The following POU2F1 variants were observed in gnomAD, a reference collection of about 807,000 sequenced individuals.
POU2F1 encodes the protein POU domain, class 2, transcription factor 1.
POU2F1 carries 16 observed loss-of-function variants against 84.9 expected under a neutral mutation model. That is an observed-to-expected ratio of 0.19 (90% CI 0.13 to 0.29). POU2F1 has a LOEUF of 0.29. Ranked by LOEUF, POU2F1 falls within the 10% of genes least tolerant of loss-of-function variation. The probability of loss-of-function intolerance (pLI) is 1.00; values close to 1 mark genes in which losing one functional copy is unlikely to be tolerated. For synonymous variants in POU2F1, 368 were observed against 368.3 expected, an observed-to-expected ratio of 1.00 and a Z score of 0.01; for missense variants, 738 against 942.6, an observed-to-expected ratio of 0.78 and a Z score of 2.84.
chr1:167,265,546 C>CT (rs1377020053), intron 1 of POU2F1, among the ~76,000 whole-genome samples: 1 of 152,096 alleles, frequency 6.6e-6, no homozygotes, highest in East Asian at 1.9e-4. Flanking sequence ...TTTGATAACT[C>CT]TTTTAGGTAT....
intron 3 of POU2F1, among the ~76,000 whole-genome samples, chr1:167,369,951 A>G (rs1405225124): frequency 6.6e-6 from 1 of 152,180 alleles, no homozygotes; most frequent in African/African-American, 2.4e-5. Context: ...AAAAAAGATT[A>G]ACAGCATTTT....
chr1:167,381,942 T>G (rs1167675119), intron 7 of POU2F1, among the ~76,000 whole-genome samples: 1 of 151,016 alleles, frequency 6.6e-6, no homozygotes, highest in African/African-American at 2.4e-5. Flanking sequence ...TTGAATATTC[T>G]TTAGTCTTTT....
intron 1 of POU2F1, among the ~76,000 whole-genome samples, chr1:167,238,620 A>G (rs371892019): frequency 1.3e-5 from 2 of 152,364 alleles, no homozygotes; most frequent in South Asian, 2.1e-4. Context: ...AGATGAGGAT[A>G]TTGAGTGAGG....
chr1:167,293,051 T>C (rs938586834), intron 1 of POU2F1, among the ~76,000 whole-genome samples: 1 of 152,140 alleles, frequency 6.6e-6, no homozygotes, highest in Non-Finnish European at 1.5e-5. Flanking sequence ...GCAAACATCA[T>C]ACTCTATGGG....
At chr1:167,376,520 A>C (rs577822038) in intron 7 of POU2F1, 183 of 163,404 alleles carry the variant, frequency 1.1e-3, no homozygotes, top group Non-Finnish European at 2.2e-3. Context: ...TGTTGAAAGT[A>C]TGTGCTTCTA....
chr1:167,415,672 A>C lies in POU2F1; in HGVS notation c.2163A>C (p.Ala721=). The part of the protein sequence containing the change: ...NPVSLVSAAA[A]SAGNSAPVAS... ...TTAGCTTGGTCTCTGCCGCCGCAGC[A>C]TCTGCAGGGAACTCTGCACCTGTAG... The change falls in exon 16 of 16, where the codon GCA becomes GCC. Residue 721 remains alanine, a synonymous_variant. Coordinates refer to ENST00000367866, the MANE Select transcript of POU2F1 (RefSeq NM_002697.4). 1.9e-6 allele frequency: 3 copies of C among 1,614,196 alleles called. No individual in the cohort carries two copies. Among genetic ancestry groups the C allele is most frequent in the South Asian group, 2.2e-5 (2 of 91,084 alleles).
At chr1:167,336,993 C>T (rs934565327) in intron 2 of POU2F1, among the ~76,000 whole-genome samples, 2 of 152,014 alleles carry the variant, frequency 1.3e-5, no homozygotes, top group Non-Finnish European at 2.9e-5. Context: ...TGGTGAAACC[C>T]CATCTCTACT....
intron 2 of POU2F1, among the ~76,000 whole-genome samples, chr1:167,334,270 C>T (rs1002875498): frequency 2.0e-5 from 3 of 149,316 alleles, no homozygotes; most frequent in Admixed American, 6.8e-5. Context: ...AAGCGATTCT[C>T]CTGCCTCAGC....
chr1:167,272,390 CAAAA>C (rs35666628), intron 1 of POU2F1, among the ~76,000 whole-genome samples: 1 of 82,232 alleles, frequency 1.2e-5, no homozygotes, highest in South Asian at 3.5e-4. Flanking sequence ...ATTAGGATTT[CAAAA>C]AAAAAAAAAA....
At position 167,365,464 on chromosome 1, in the gene POU2F1, T is replaced by C. The variant is rs1274338264; in HGVS notation, c.128-3T>C. Reference sequence around the variant, plus strand: ...AGTTGAAATTATTTTGCTTGCTTTCTAGGCACACAAACCAATGGTCTGGAC... The same window carrying C: ...AGTTGAAATTATTTTGCTTGCTTTCCAGGCACACAAACCAATGGTCTGGAC... On this transcript the variant is annotated splice_polypyrimidine_tract_variant and splice_region_variant and intron_variant, in intron 2 of 15. Coordinates refer to ENST00000367866, the MANE Select transcript of POU2F1 (RefSeq NM_002697.4). The C allele has an allele frequency of 6.4e-7, 1 of 1,563,546 alleles. No individual in the cohort carries two copies. Among genetic ancestry groups the C allele is most frequent in the Admixed American group, 2.0e-5 (1 of 49,436 alleles).
chr1:167,362,147 T>C (rs1259747575), intron 2 of POU2F1, among the ~76,000 whole-genome samples: 4 of 152,252 alleles, frequency 2.6e-5, no homozygotes, highest in Admixed American at 6.5e-5. Flanking sequence ...TAGGTCTTTA[T>C]GTTTTACAAG....
chr1:167,316,212 T>C (rs1250241146), intron 1 of POU2F1, among the ~76,000 whole-genome samples: 2 of 152,222 alleles, frequency 1.3e-5, no homozygotes, highest in African/African-American at 4.8e-5. Flanking sequence ...GCATACTTTA[T>C]ATCAAGAGCA....
At chr1:167,314,456 T>C (rs567565396) in intron 1 of POU2F1, among the ~76,000 whole-genome samples, 23 of 152,104 alleles carry the variant, frequency 1.5e-4, no homozygotes, top group Non-Finnish European at 2.8e-4. Context: ...GTTACAGGTA[T>C]TCTGAAAAAT....
intron 9 of POU2F1, among the ~76,000 whole-genome samples, chr1:167,390,400 C>A (rs1381908675): frequency 6.6e-6 from 1 of 152,048 alleles, no homozygotes; most frequent in Non-Finnish European, 1.5e-5. Flanking sequence ...GGTGGTAGAC[C>A]TCAGTACTTC....
intron 1 of POU2F1, among the ~76,000 whole-genome samples, chr1:167,317,795 G>A (rs1361212102): frequency 1.3e-5 from 2 of 152,150 alleles, no homozygotes; most frequent in East Asian, 3.9e-4. Flanking sequence ...TTTTGTTGAT[G>A]GCCATTTTGG....
intron 7 of POU2F1, chr1:167,379,308 AG>A (rs1647340437): frequency 6.6e-6 from 1 of 152,196 alleles, no homozygotes; most frequent in Non-Finnish European, 1.5e-5. Flanking sequence ...ACTAAACCAC[AG>A]ATTTAATCAG....
chr1:167,275,450 T>C (rs1193243848), intron 1 of POU2F1, among the ~76,000 whole-genome samples: 1 of 152,166 alleles, frequency 6.6e-6, no homozygotes, highest in African/African-American at 2.4e-5. Flanking sequence ...TCAGTATGAC[T>C]ACAGAAGGCC....
chr1:167,297,243 AAT>A (rs1354381470), intron 1 of POU2F1, among the ~76,000 whole-genome samples: 1 of 152,228 alleles, frequency 6.6e-6, no homozygotes, highest in African/African-American at 2.4e-5. Flanking sequence ...ACACCAAATT[AAT>A]AACTCTTAAT....
At chr1:167,337,168 GA>G (rs71301013) in intron 2 of POU2F1, among the ~76,000 whole-genome samples, 290 of 145,632 alleles carry the variant, frequency 2.0e-3, no homozygotes, top group African/African-American at 6.8e-3. Context: ...CATCTCAAAA[GA>G]AAAAAAAAAA....
Sources: gnomAD v4.1 joint callset for allele counts (sites outside exome capture counted in the v4.1 genomes callset) on GRCh38, gnomAD v4.1.1 for gene constraint, MANE v1.5 for transcripts, NCBI Gene and HGNC (gene_info 2026-07-23, HGNC 2026-07-21) for gene names.